The following PRRC2B variants were observed in gnomAD, a reference collection of about 807,000 sequenced individuals.
The protein encoded by PRRC2B is protein PRRC2B.
Under a neutral mutation model 242.3 loss-of-function variants are expected in PRRC2B, and 68 were observed. The ratio of observed to expected loss-of-function variants is 0.28; its 90% CI spans 0.23 to 0.34. The LOEUF is 0.34. PRRC2B is among the 10% of genes least tolerant of loss of function. PRRC2B has a pLI of 1.00. For synonymous variants in PRRC2B, 1,228 were observed against 1,173.6 expected (o/e 1.05, Z -0.95); for missense variants, 2,835 against 2,954.8 (o/e 0.96, Z 0.94).
At chr9:131,428,316 G>A (rs1008887440) in intron 1 of PRRC2B, among the ~76,000 whole-genome samples, 1 of 152,016 alleles carries the variant, frequency 6.6e-6, no homozygotes, top group African/African-American at 2.4e-5. Flanking sequence ...AAGCTCCTGG[G>A]CTCAAGTGAT....
At chr9:131,417,081 C>CTGA (rs1281123236) in intron 1 of PRRC2B, among the ~76,000 whole-genome samples, 2 of 152,136 alleles carry the variant, frequency 1.3e-5, no homozygotes, top group African/African-American at 4.8e-5. Flanking sequence ...TGCATGGACT[C>CTGA]TTCAGAGTGG....
chr9:131,498,605 C>T lies in PRRC2B; in HGVS notation c.*2731C>T, dbSNP rs1944391587. 6.6e-6 allele frequency: 1 copy of T among 152,240 alleles called. No homozygotes were observed. The highest frequency in any genetic ancestry group is 1.5e-5 in the Non-Finnish European group (1 of 68,042). 9.4% of individuals were successfully genotyped at this position (152,240 alleles called of 1,614,324 possible). On this transcript the variant is annotated 3_prime_UTR_variant, in exon 32 of 32. Coordinates refer to ENST00000683519, the MANE Select transcript of PRRC2B (RefSeq NM_013318.4). ...AGGACGTAGGGTCTTATTTTGTTTTCAAACCCCCATCCTCAGAGCGCAGAT... is the reference window on the plus strand; with the variant it reads ...AGGACGTAGGGTCTTATTTTGTTTTTAAACCCCCATCCTCAGAGCGCAGAT...
chr9:131,449,781 T>A (rs1284080154), intron 9 of PRRC2B, among the ~76,000 whole-genome samples: 1 of 152,206 alleles, frequency 6.6e-6, no homozygotes, highest in Non-Finnish European at 1.5e-5. Context: ...TGGTTATTAT[T>A]TTTGTGTCCT....
chr9:131,465,720 A>G (rs1452325932), intron 12 of PRRC2B, among the ~76,000 whole-genome samples: 1 of 152,232 alleles, frequency 6.6e-6, no homozygotes, highest in Non-Finnish European at 1.5e-5. Context: ...TCTAAAAGGA[A>G]TGGATCACAT....
intron 1 of PRRC2B, among the ~76,000 whole-genome samples, chr9:131,378,635 A>C (rs1001327978): frequency 6.6e-5 from 10 of 152,124 alleles, no homozygotes; most frequent in Non-Finnish European, 1.2e-4. Flanking sequence ...TTCTCTTCAG[A>C]GGAGAAATTA....
At chr9:131,400,135 G>A (rs570052766) in intron 1 of PRRC2B, among the ~76,000 whole-genome samples, 3 of 152,104 alleles carry the variant, frequency 2.0e-5, no homozygotes, top group South Asian at 2.1e-4. Context: ...CCAGTCTGGA[G>A]TGCAGTGATG....
At chr9:131,426,205 G>A (rs1025331845) in intron 1 of PRRC2B, among the ~76,000 whole-genome samples, 3 of 151,610 alleles carry the variant, frequency 2.0e-5, no homozygotes, top group Non-Finnish European at 4.4e-5. Context: ...AGGTTTGGTG[G>A]CACACACCTG....
chr9:131,458,977 A>G (rs964222584), intron 10 of PRRC2B, among the ~76,000 whole-genome samples, 187 bp from the exon 11 acceptor site: 5 of 152,158 alleles, frequency 3.3e-5, no homozygotes, highest in African/African-American at 1.2e-4. Flanking sequence ...CTGTTTAATG[A>G]GAGTGACTTG....
chr9:131,410,998 G>A (rs1172073917), intron 1 of PRRC2B, among the ~76,000 whole-genome samples: 1 of 152,134 alleles, frequency 6.6e-6, no homozygotes, highest in Non-Finnish European at 1.5e-5. Context: ...CTTACGGCCA[G>A]TAATCCCAGC....
rs769774202 is a variant in PRRC2B, at chr9:131,446,655, AGT to A, written c.855+16_855+17del. ...GCTTCCTGCTTTTGTAAGTCTTCAG[AGT>A]GTACTTTTTTTCCCCCCATGAAGTT... On this transcript the variant is annotated intron_variant, in intron 7 of 31. Coordinates refer to ENST00000683519, the MANE Select transcript of PRRC2B (RefSeq NM_013318.4). The surrounding 1 kb of genome is among the most constrained non-coding windows in gnomAD (Gnocchi z 4.1). 7.8e-5 allele frequency: 126 copies of A among 1,612,814 alleles called. 4 individuals are homozygous for A. The South Asian group carries it at 1.3e-3, about 16-fold the overall frequency.
intron 28 of PRRC2B, chr9:131,490,373 C>G: frequency 4.0e-6 from 2 of 498,552 alleles, no homozygotes; most frequent in Non-Finnish European, 8.0e-6. Flanking sequence ...CAAGTCAGAT[C>G]ATACCCCAAG....
rs558833809 is a variant in PRRC2B at position 131,398,185 on chromosome 9, C to T, written c.-52+3922C>T. On this transcript the variant is annotated intron_variant, in intron 1 of 31. Coordinates refer to ENST00000683519, the MANE Select transcript of PRRC2B (RefSeq NM_013318.4). ...ACCTCCTCACCTGGGAGCTGGCAGA[C>T]CTGGGCCTTGCCATTGGCGATATTA... Among the ~76,000 whole-genome samples, 181 of 152,316 alleles carry T rather than the reference C, an allele frequency of 1.2e-3. 1 individual carries two copies. The highest frequency in any genetic ancestry group is 6.8e-3 in the Middle Eastern group (2 of 294).
intron 1 of PRRC2B, among the ~76,000 whole-genome samples, chr9:131,383,886 G>C (rs565050260): frequency 1.2e-4 from 18 of 151,912 alleles, no homozygotes; most frequent in African/African-American, 4.1e-4. Context: ...CTCCCAAAGT[G>C]CTGGGATTAC....
rs187909012 is a variant in PRRC2B, at chr9:131,406,325, G to A, written c.-52+12062G>A. 3.3e-5 allele frequency among the ~76,000 whole-genome samples: 5 copies of A among 152,310 alleles called. No homozygotes were observed. In the East Asian group the frequency reaches 5.8e-4, roughly 18 times the overall value. The stretch of plus-strand genomic sequence containing the variant: ...ATCTCTCCACAATGAACACCACTGC[G>A]GATGTCTGTTCCCACGAGCAAGGGC... On this transcript the variant is annotated intron_variant, in intron 1 of 31. Coordinates refer to ENST00000683519, the MANE Select transcript of PRRC2B (RefSeq NM_013318.4).
At position 131,430,102 on chromosome 9, in the gene PRRC2B, C is replaced by T. The variant is rs754785090; in HGVS notation, c.-43C>T. 1.7e-5 allele frequency: 17 copies of T among 1,012,762 alleles called. No homozygotes were observed. Among genetic ancestry groups the T allele is most frequent in the South Asian group, 7.4e-5 (5 of 67,856 alleles). 62.7% of individuals were successfully genotyped at this position (1,012,762 alleles called of 1,614,324 possible). On this transcript the variant is annotated 5_prime_UTR_variant, in exon 2 of 32. Transcript: ENST00000683519. Reference sequence around the variant, plus strand: ...CTCTATTTCAAAGGCAGATCGGGAGCGGTGCCGAGAAAAATTTCCTTACTA... The same window carrying T: ...CTCTATTTCAAAGGCAGATCGGGAGTGGTGCCGAGAAAAATTTCCTTACTA...
At chr9:131,417,239 T>A (rs1051349112) in intron 1 of PRRC2B, among the ~76,000 whole-genome samples, 2 of 152,160 alleles carry the variant, frequency 1.3e-5, no homozygotes, top group African/African-American at 4.8e-5. Flanking sequence ...TCTGCTGCCC[T>A]CCTGTGAGGA....
chr9:131,444,701 G>A (rs771495056), intron 6 of PRRC2B, among the ~76,000 whole-genome samples: 27 of 152,180 alleles, frequency 1.8e-4, no homozygotes, highest in Non-Finnish European at 2.8e-4. Context: ...AATCACTGGG[G>A]AGTTTGTGAA....
intron 25 of PRRC2B, among the ~76,000 whole-genome samples, chr9:131,485,437 T>C (rs56101033): frequency 0.12 from 17,757 of 152,156 alleles, 1,533 homozygotes; most frequent in African/African-American, 0.24. Flanking sequence ...TGGAGCCGTG[T>C]CGCCTCGGCT....
intron 1 of PRRC2B, among the ~76,000 whole-genome samples, chr9:131,420,508 T>TCCTTTCTTTCTTTC (rs1837807733): frequency 1.5e-5 from 2 of 129,500 alleles, no homozygotes; most frequent in African/African-American, 2.9e-5. Context: ...TTTTTTTTTT[T>TCCTTTCTTTCTTTC]TTGAGATGGA....
Sources: allele counts gnomAD v4.1 joint callset (sites outside exome capture counted in the v4.1 genomes callset), GRCh38; gene constraint gnomAD v4.1.1; non-coding constraint Gnocchi (gnomAD v3.1); transcripts MANE v1.5; gene names NCBI Gene and HGNC (gene_info 2026-07-23, HGNC 2026-07-21).